The following MTSS1 variants were observed in gnomAD, a reference collection of about 807,000 sequenced individuals.
The protein encoded by MTSS1 is MTSS I-BAR domain containing 1, also known as protein MTSS 1.
MTSS1 carries 18 observed loss-of-function variants against 79.0 expected under a neutral mutation model. The ratio of observed to expected loss-of-function variants is 0.23; its 90% confidence interval spans 0.16 to 0.34. The LOEUF is 0.34. Among genes scored for constraint, MTSS1 ranks in the 10% least tolerant of loss-of-function variants. The pLI is 1.00. For synonymous variants in MTSS1, 341 were observed against 368.6 expected (o/e 0.93, Z 0.86); for missense variants, 815 against 986.2 (o/e 0.83, Z 2.33).
intron 3 of MTSS1, among the ~76,000 whole-genome samples, chr8:124,614,517 C>T (rs942431827): frequency 2.0e-5 from 3 of 152,216 alleles, no homozygotes; most frequent in African/African-American, 7.2e-5. Flanking sequence ...GCAGAGCCAC[C>T]AGCAAAGGCC....
rs749136906 is a variant in MTSS1 at position 124,591,117 on chromosome 8, G to A, written c.293+34C>T. 8 of 1,569,374 alleles carry A rather than the reference G, an allele frequency of 5.1e-6. No individual in the cohort carries two copies. The South Asian group carries it at 5.5e-5, about 11-fold the overall frequency. On this transcript the variant is annotated intron_variant, in intron 4 of 13. Transcript: ENST00000518547. ...CTTCCTTAACCTGAAATCTGCAAGG[G>A]TGTTGGCGATCGGGGCCAAAACATG...
intron 1 of MTSS1, among the ~76,000 whole-genome samples, chr8:124,721,771 C>T (rs548261980): frequency 6.6e-6 from 1 of 152,222 alleles, no homozygotes; most frequent in South Asian, 2.1e-4. Flanking sequence ...ACCTGGGGTG[C>T]TTTTCAAAAT....
intron 3 of MTSS1, among the ~76,000 whole-genome samples, chr8:124,636,501 G>T (rs1383514652): frequency 6.6e-6 from 1 of 152,184 alleles, no homozygotes; most frequent in African/African-American, 2.4e-5. Context: ...TGTAACAGAG[G>T]TCATTAACTG....
At chr8:124,583,126 C>G (rs1445235919) in intron 6 of MTSS1, among the ~76,000 whole-genome samples, 1 of 152,134 alleles carries the variant, frequency 6.6e-6, no homozygotes, top group East Asian at 1.9e-4. Context: ...GACCTAAGTC[C>G]ACCGTGTGGA....
intron 1 of MTSS1, among the ~76,000 whole-genome samples, chr8:124,726,826 G>A (rs1271075250): frequency 6.6e-6 from 1 of 152,110 alleles, no homozygotes; most frequent in Non-Finnish European, 1.5e-5. Context: ...CACCTCCCCG[G>A]ATCTGGATCT....
At chr8:124,722,930 G>A (rs113719170) in intron 1 of MTSS1, among the ~76,000 whole-genome samples, 1 of 152,118 alleles carries the variant, frequency 6.6e-6, no homozygotes, top group African/African-American at 2.4e-5. Flanking sequence ...GCCAGCTATC[G>A]CCACCCATGC....
chr8:124,564,500 A>G (rs1825945248), intron 9 of MTSS1, among the ~76,000 whole-genome samples: 1 of 152,172 alleles, frequency 6.6e-6, no homozygotes. Flanking sequence ...AGTCAGCCAG[A>G]AGGCGGCAGT....
At chr8:124,656,603 C>G (rs1301511738) in intron 3 of MTSS1, among the ~76,000 whole-genome samples, 1 of 151,456 alleles carries the variant, frequency 6.6e-6, no homozygotes, top group East Asian at 1.9e-4. Context: ...GAAACCCTGT[C>G]TCTACTAAAA....
In MTSS1 at chr8:124,557,859, G is replaced by C; in HGVS notation, c.1052C>G (p.Ser351Cys). 2 of 1,493,626 alleles carry C rather than the reference G, an allele frequency of 1.3e-6. No homozygotes were observed. The highest frequency in any genetic ancestry group is 1.8e-6 in the Non-Finnish European group (2 of 1,109,388). The allele number at this position is 1,493,626 out of a possible 1,614,324, so 92.5% of individuals were successfully genotyped here. A position where few individuals can be genotyped will look rare whatever the true frequency, so the allele number is the denominator to read the frequency against. Residue 351 changes from serine to cysteine, a missense_variant, in exon 11 of 14, where the codon TCT (serine) becomes TGT (cysteine). By Grantham distance (112) the Ser-to-Cys change is moderately radical. Around this residue, in one of 2 missense-constraint regions of MTSS1, gnomAD observed 590 missense variants for 620.8 expected, o/e 0.95. Coordinates refer to ENST00000518547, the MANE Select transcript of MTSS1 (RefSeq NM_014751.6). The stretch of plus-strand genomic sequence containing the variant: ...GGACTCACTTGATAAACTATAGTGA[G>C]AAAACCCGTTAGACAACTGGAAACA... Reference protein sequence around the residue: ...EAPNQLSNGFSHYSLSSESHV... With the variant: ...EAPNQLSNGFCHYSLSSESHV...
intron 3 of MTSS1, among the ~76,000 whole-genome samples, chr8:124,660,907 C>T (rs1351366066): frequency 1.3e-5 from 2 of 152,108 alleles, no homozygotes; most frequent in Non-Finnish European, 2.9e-5. Flanking sequence ...CCCCAAGGTC[C>T]GAGTGGAACA....
chr8:124,661,348 G>A (rs1183279266), intron 3 of MTSS1, among the ~76,000 whole-genome samples: 1 of 150,692 alleles, frequency 6.6e-6, no homozygotes, highest in African/African-American at 2.4e-5. Context: ...GTAAACTGAT[G>A]AATTTTTACT....
Position 124,555,809 on chromosome 8 carries a change from C to G in MTSS1, c.1500G>C (p.Gln500His). The G allele has an allele frequency of 6.2e-7, 1 of 1,613,628 alleles. No individual in the cohort carries two copies. The highest frequency in any genetic ancestry group is 8.5e-7 in the Non-Finnish European group (1 of 1,179,888). Residue 500 changes from glutamine to histidine, a missense_variant, in exon 13 of 14, where the codon CAG becomes CAC. By Grantham distance (24) the Gln-to-His change is conservative. Coordinates refer to ENST00000518547, the MANE Select transcript of MTSS1 (RefSeq NM_014751.6). ...DTQRSSRDSL[Q>H]CSSGYSTQTT... ...TCTGGGTGCTGTAGCCGCTGGAGCACTGAAGCGAGTCCCGGCTGCTCCTCT... is the reference window on the plus strand; with the variant it reads ...TCTGGGTGCTGTAGCCGCTGGAGCAGTGAAGCGAGTCCCGGCTGCTCCTCT...
At chr8:124,692,592 C>T (rs1046711275) in intron 3 of MTSS1, among the ~76,000 whole-genome samples, 3 of 152,186 alleles carry the variant, frequency 2.0e-5, no homozygotes, top group Admixed American at 2.0e-4. Context: ...ACCTTCTCCC[C>T]TCAGAGGAAA....
At position 124,715,937 on chromosome 8, in the gene MTSS1, T is replaced by C. The variant is rs377441454; in HGVS notation, c.73-11746A>G. On this transcript the variant is annotated intron_variant, in intron 1 of 13. Coordinates refer to ENST00000518547, the MANE Select transcript of MTSS1 (RefSeq NM_014751.6). ...CAGTCCCTGCCTCAAATGATGGTTG[T>C]AGGATGATGGGGAAAACAACAAGTG... is the stretch of plus-strand genomic sequence containing the variant. Among the ~76,000 whole-genome samples, 114 of 152,262 alleles carry C rather than the reference T, an allele frequency of 7.5e-4. 4 individuals carry two copies. In the South Asian group the frequency reaches 0.023, roughly 31 times the overall value.
intron 2 of MTSS1, 84 bp downstream of exon 2, chr8:124,704,046 A>T: frequency 8.0e-7 from 1 of 1,242,598 alleles, no homozygotes; most frequent in South Asian, 1.2e-5. Context: ...AATCAACCCT[A>T]ATCAATCTGC....
intron 3 of MTSS1, among the ~76,000 whole-genome samples, chr8:124,613,297 C>CT (rs1836221527): frequency 6.6e-6 from 1 of 152,202 alleles, no homozygotes; most frequent in Admixed American, 6.5e-5. Flanking sequence ...ACAGGAGCTG[C>CT]TCCACAGTGT....
intron 3 of MTSS1, among the ~76,000 whole-genome samples, chr8:124,650,030 C>CT (rs747765543): frequency 0.013 from 1,877 of 142,924 alleles, 39 homozygotes; most frequent in African/African-American, 0.041. Flanking sequence ...GCTGAAGAGC[C>CT]TTTTTTTTTT....
intron 3 of MTSS1, among the ~76,000 whole-genome samples, chr8:124,693,843 CTTCA>C (rs1278885430): frequency 2.0e-5 from 3 of 152,178 alleles, no homozygotes. Context: ...GAAATTTACA[CTTCA>C]TTCATAGCTA....
chr8:124,558,030 T>C, intron 10 of MTSS1, 155 bp from the exon 11 acceptor site: 2 of 625,042 alleles, frequency 3.2e-6, no homozygotes, highest in Non-Finnish European at 2.7e-6. Flanking sequence ...ACGGATGATC[T>C]GTGATGCAAG....
Sources: gnomAD v4.1 joint callset for allele counts (sites outside exome capture counted in the v4.1 genomes callset) on GRCh38, gnomAD v4.1.1 for gene constraint, gnomAD v4.1.1 regional missense constraint, MANE v1.5 for transcripts, NCBI Gene and HGNC (gene_info 2026-07-23, HGNC 2026-07-21) for gene names.